The following CFAP54 variants were observed in gnomAD, a reference collection of about 807,000 sequenced individuals.
CFAP54 encodes cilia and flagella associated protein 54.
In CFAP54, 290 loss-of-function variants were observed where a neutral mutation model predicts 370.4. The ratio of observed to expected loss-of-function variants is 0.78; its 90% CI spans 0.71 to 0.86. CFAP54 has a LOEUF of 0.86. Among genes scored for constraint, CFAP54 ranks in the 40% least tolerant of loss-of-function variants. CFAP54 has a pLI of 0.00. For missense variants in CFAP54, 3,399 were observed against 3,528.7 expected (o/e 0.96, Z 0.93); for synonymous variants, 1,206 against 1,236.5 (o/e 0.98, Z 0.52).
intron 4 of CFAP54, among the ~76,000 whole-genome samples, chr12:96,511,688 T>A (rs1253410390): frequency 6.6e-6 from 1 of 152,226 alleles, no homozygotes; most frequent in Non-Finnish European, 1.5e-5. Flanking sequence ...TTCTCCATGT[T>A]GGCCAGGCTG....
intron 16 of CFAP54, 130 bp downstream of exon 16, chr12:96,554,440 C>T: frequency 7.3e-6 from 9 of 1,225,648 alleles, no homozygotes; most frequent in Non-Finnish European, 9.7e-6. Flanking sequence ...ATATTTCCCT[C>T]TTCCCAGAAG....
At chr12:96,570,145 G>T (rs1031094350) in intron 19 of CFAP54, among the ~76,000 whole-genome samples, 4 of 151,686 alleles carry the variant, frequency 2.6e-5, no homozygotes, top group Admixed American at 2.6e-4. Context: ...CTGGCTGTTT[G>T]TATTTTTTTG....
intron 57 of CFAP54, among the ~76,000 whole-genome samples, chr12:96,757,291 C>T (rs946755626): frequency 1.3e-5 from 2 of 152,172 alleles, no homozygotes; most frequent in Non-Finnish European, 2.9e-5. Flanking sequence ...GAGTGCTAAG[C>T]TCTCTTCCAG....
At chr12:96,716,808 C>T (rs2136603420) in intron 48 of CFAP54, among the ~76,000 whole-genome samples, 1 of 152,308 alleles carries the variant, frequency 6.6e-6, no homozygotes, top group Middle Eastern at 3.4e-3. Flanking sequence ...CCGAATTTAA[C>T]TGCAAAGAGG....
intron 32 of CFAP54, among the ~76,000 whole-genome samples, chr12:96,635,591 G>T (rs1956655304): frequency 6.6e-6 from 1 of 152,098 alleles, no homozygotes; most frequent in African/African-American, 2.4e-5. Flanking sequence ...TCGACATACA[G>T]TTAGCAGCAC....
chr12:96,792,582 A>G, intron 63 of CFAP54, 83 bp downstream of exon 63: 5 of 1,056,010 alleles, frequency 4.7e-6, no homozygotes, highest in Non-Finnish European at 6.6e-6. Flanking sequence ...AGTAGAGGAC[A>G]TTCTCTTATC....
In CFAP54 at chr12:96,875,208, A is replaced by G. The variant is rs1960277484; in HGVS notation, c.*105A>G. The G allele has an allele frequency of 1.3e-5, 2 of 152,222 alleles. No homozygotes were observed. The allele number at this position is 152,222 out of a possible 1,614,324, so 9.4% of individuals were successfully genotyped here. On this transcript the variant is annotated 3_prime_UTR_variant, in exon 68 of 68. Transcript: ENST00000524981. ...TGTCAGCCTTTGGAAATTTGGTGAG[A>G]AGAAGTAGTCATGATTCAATGTCTT...
rs187937448 is a variant in CFAP54 at position 96,623,808 on chromosome 12, G to C, written c.3813G>C (p.Gln1271His). 56 of 1,535,662 alleles carry C rather than the reference G, an allele frequency of 3.6e-5. No individual in the cohort carries two copies. In the African/African-American group the frequency reaches 4.8e-4, roughly 13 times the overall value. ...KKSLKTKKPQ[Q>H]ILLPEKINEQ... ...CTTTAAAGACTAAGAAGCCACAGCA[G>C]ATACTACTGCCTGAAAAGATAAATG... Residue 1271 changes from glutamine to histidine, a missense_variant, in exon 28 of 68, where the codon CAG (glutamine) becomes CAC (histidine). Coordinates refer to ENST00000524981, the MANE Select transcript of CFAP54 (RefSeq NM_001306084.2).
intron 15 of CFAP54, among the ~76,000 whole-genome samples, chr12:96,552,944 G>A (rs185782812): frequency 4.3e-4 from 66 of 152,232 alleles, no homozygotes; most frequent in African/African-American, 1.5e-3. Context: ...CCATAGTGGC[G>A]AATAGATGAT....
chr12:96,840,626 CTTT>C (rs11445758), intron 66 of CFAP54, among the ~76,000 whole-genome samples: 2 of 120,584 alleles, frequency 1.7e-5, no homozygotes, highest in African/African-American at 2.8e-5. Flanking sequence ...CTGTTTCTTT[CTTT>C]TTTTTTTTTT....
intron 66 of CFAP54, among the ~76,000 whole-genome samples, chr12:96,857,632 G>A (rs2136460200): frequency 6.6e-6 from 1 of 152,258 alleles, no homozygotes; most frequent in African/African-American, 2.4e-5. Context: ...ATGTGTCAAG[G>A]AGGGACCTGG....
chr12:96,571,107 T>C (rs1955912775), intron 19 of CFAP54, among the ~76,000 whole-genome samples: 1 of 152,182 alleles, frequency 6.6e-6, no homozygotes, highest in South Asian at 2.1e-4. Flanking sequence ...TGATTACATA[T>C]GTCTTAGTCA....
Position 96,625,725 on chromosome 12 carries a change from A to G in CFAP54, c.3894A>G (p.Thr1298=), listed in dbSNP as rs145598579. 9.8e-5 allele frequency: 151 copies of G among 1,533,914 alleles called. No homozygotes were observed. In the African/African-American group the frequency reaches 1.6e-3, roughly 17 times the overall value. Residue 1298 remains threonine, a synonymous_variant, in exon 29 of 68, where the codon ACA becomes ACG. Coordinates refer to ENST00000524981, the MANE Select transcript of CFAP54 (RefSeq NM_001306084.2). The stretch of plus-strand genomic sequence containing the variant: ...TGAATTTTTTAACCTTAGATGTTAC[A>G]TCTGAACTCTCAGGAGGAGAGGACC... ...HLLKLTKQYV[T]SELSGGEDPI...
chr12:96,711,050 T>C (rs1160534030), intron 48 of CFAP54, among the ~76,000 whole-genome samples: 2 of 152,220 alleles, frequency 1.3e-5, no homozygotes, highest in African/African-American at 2.4e-5. Context: ...GAACTTATAT[T>C]TGTGGATAGC....
chr12:96,563,810 G>GA (rs760467085), intron 17 of CFAP54, among the ~76,000 whole-genome samples: 18 of 152,188 alleles, frequency 1.2e-4, no homozygotes, highest in Non-Finnish European at 2.5e-4. Flanking sequence ...CACCAGACCT[G>GA]AAAATCAAGA....
chr12:96,740,848 G>A (rs1565961077), intron 51 of CFAP54, among the ~76,000 whole-genome samples: 1 of 152,146 alleles, frequency 6.6e-6, no homozygotes, highest in Admixed American at 6.6e-5. Flanking sequence ...GTCACAACTG[G>A]GTGGAGGCGG....
intron 32 of CFAP54, among the ~76,000 whole-genome samples, chr12:96,641,300 C>G (rs1185692989): frequency 2.0e-5 from 3 of 151,914 alleles, no homozygotes; most frequent in Non-Finnish European, 4.4e-5. Flanking sequence ...AAGAAGACAT[C>G]TATGCAGCCA....
intron 20 of CFAP54, among the ~76,000 whole-genome samples, chr12:96,577,520 A>T (rs1435385120): frequency 6.6e-6 from 1 of 152,266 alleles, no homozygotes; most frequent in Middle Eastern, 3.4e-3. Flanking sequence ...GCTTGAAGTT[A>T]TGTCAACTTG....
chr12:96,708,845 T>G (rs1160100948), intron 48 of CFAP54, 42 bp downstream of exon 48: 3 of 1,482,028 alleles, frequency 2.0e-6, no homozygotes, highest in East Asian at 2.3e-5. Context: ...TCTCCTCCCT[T>G]TCCCTAACTG....
Sources: gnomAD v4.1 joint callset for allele counts (sites outside exome capture counted in the v4.1 genomes callset) on GRCh38, gnomAD v4.1.1 for gene constraint, MANE v1.5 for transcripts, NCBI Gene and HGNC (gene_info 2026-07-23, HGNC 2026-07-21) for gene names.